The following UCP3 variants were observed in gnomAD, a reference collection of about 807,000 sequenced individuals.
The protein encoded by UCP3 is putative mitochondrial transporter UCP3.
In UCP3, 24 loss-of-function variants were observed where a neutral mutation model predicts 28.1. That is an observed-to-expected ratio of 0.85 (90% CI 0.62 to 1.20). UCP3 has a LOEUF of 1.20. Ranked by LOEUF, UCP3 falls within the 50% of genes most tolerant of loss-of-function variation. The pLI is 0.00. For missense variants in UCP3, 397 were observed against 422.2 expected, an observed-to-expected ratio of 0.94 and a Z score of 0.52; for synonymous variants, 184 against 171.2, an observed-to-expected ratio of 1.07 and a Z score of -0.59.
At chr11:74,008,606 T>C (rs1951683642) in intron 1 of UCP3, among the ~76,000 whole-genome samples, 1 of 152,014 alleles carries the variant, frequency 6.6e-6, no homozygotes. Context: ...AGGGTCCTCA[T>C]GGAAAGAGAG....
At chr11:74,008,755 G>T (rs758037572) in intron 1 of UCP3, among the ~76,000 whole-genome samples, 1 of 152,186 alleles carries the variant, frequency 6.6e-6, no homozygotes, top group East Asian at 1.9e-4. Context: ...TGAGTGACAC[G>T]GGTGTTGGGT....
In UCP3 at chr11:74,004,483, C is replaced by A. The variant is rs769183491; in HGVS notation, c.643+1G>T. The A allele has an allele frequency of 1.2e-6, 2 of 1,614,128 alleles. No individual in the cohort carries two copies. Among genetic ancestry groups the A allele is most frequent in the South Asian group, 2.2e-5 (2 of 91,072 alleles). ...TGCCTGCCTGGAGCCCAGGGCCTCA[C>A]CAGTGAGCAGGTGGTAGTCCAGCAG... On this transcript the variant is annotated splice_donor_variant, in intron 5 of 6. Coordinates refer to ENST00000314032, the MANE Select transcript of UCP3 (RefSeq NM_003356.4). LOFTEE classifies it high-confidence loss of function.
At chr11:74,008,209 T>C (rs1180887778) in intron 1 of UCP3, among the ~76,000 whole-genome samples, 2 of 152,194 alleles carry the variant, frequency 1.3e-5, no homozygotes, top group Admixed American at 6.5e-5. Context: ...GTCTGACATC[T>C]GAAGCTGCGC....
At chr11:74,007,233 G>A (rs1369362815) in intron 1 of UCP3, 96 bp from the exon 2 acceptor site, 2 of 699,644 alleles carry the variant, frequency 2.9e-6, no homozygotes, top group East Asian at 5.6e-5. Context: ...AAAGGGAGAA[G>A]CCTGGGTGGT....
rs767985044 is a variant in UCP3 at position 74,001,376 on chromosome 11, C to T, written c.*36G>A. ...GTTTTCTTCCATTCTTAACTGGTTT[C>T]GGACACGTTAGCTACCAGTGGCCTT... On this transcript the variant is annotated 3_prime_UTR_variant, in exon 7 of 7. Transcript: ENST00000314032. 15 of 1,603,814 alleles carry T rather than the reference C, an allele frequency of 9.4e-6. No homozygotes were observed. The highest frequency in any genetic ancestry group is 6.7e-5 in the Admixed American group (4 of 59,950).
At position 74,006,242 on chromosome 11, in the gene UCP3, C is replaced by T. The variant is rs750225036; in HGVS notation, c.264G>A (p.Gln88=). 5.6e-6 allele frequency: 9 copies of T among 1,613,978 alleles called. No homozygotes were observed. The highest frequency in any genetic ancestry group is 6.8e-6 in the Non-Finnish European group (8 of 1,180,042). ...YNGLVAGLQR[Q]MSFASIRIGL... ...CGATGCGGATGGAGGCGAAGCTCAT[C>T]TGGCGCTGCAGGCCGGCCACCAGCC... The change falls in exon 3 of 7, where the codon CAG becomes CAA. Residue 88 remains glutamine (Q), a synonymous_variant. Coordinates refer to ENST00000314032, the MANE Select transcript of UCP3 (RefSeq NM_003356.4).
rs368703422 is a variant in UCP3, at chr11:74,006,345, C to A, written c.161G>T (p.Arg54Leu). 2 of 1,589,748 alleles carry A rather than the reference C, an allele frequency of 1.3e-6. No homozygotes were observed. The highest frequency in any genetic ancestry group is 4.5e-5 in the East Asian group (2 of 44,520). ...CAGCACGCCACGGTACTGCACGAGC[C>A]GGGCCGTCTGGACCGCCTGGTTCTC... Reference protein sequence around the residue: ...QGENQAVQTARLVQYRGVLGT... With the variant: ...QGENQAVQTALLVQYRGVLGT... Residue 54 changes from arginine to leucine, a missense_variant, in exon 3 of 7, where the codon CGG becomes CTG. Arg to Leu is a moderately radical substitution (Grantham distance 102, BLOSUM62 -2). Coordinates refer to ENST00000314032, the MANE Select transcript of UCP3 (RefSeq NM_003356.4).
chr11:74,006,037 A>T lies in UCP3; in HGVS notation c.338-104T>A, dbSNP rs941372079. On this transcript the variant is annotated intron_variant, in intron 3 of 6. Coordinates refer to ENST00000314032, the MANE Select transcript of UCP3 (RefSeq NM_003356.4). ...CCTGCAGCTTCCTTGATGTCCACTC[A>T]GAGCCTCCTCATAAGCGTCCGGTAC... 6.4e-6 allele frequency: 10 copies of T among 1,559,486 alleles called. No homozygotes were observed. The African/African-American group carries it at 1.2e-4, about 19-fold the overall frequency.
chr11:74,005,902 G>A lies in UCP3; in HGVS notation c.369C>T (p.Gly123=), dbSNP rs1371444701. 2 of 1,614,168 alleles carry A rather than the reference G, an allele frequency of 1.2e-6. No homozygotes were observed. The part of the protein sequence containing the change: ...NSSLTTRILA[G]CTTGAMAVTC... ...TCACCGCCATGGCTCCTGTGGTGCA[G>A]CCGGCCAAAATCCGGGTAGTGAGGC... Residue 123 remains glycine (G), a synonymous_variant, in exon 4 of 7, where the codon GGC becomes GGT. Transcript: ENST00000314032.
rs982197427 is a variant in UCP3, at chr11:74,003,766, T to C, written c.824+61A>G. The stretch of plus-strand genomic sequence containing the variant: ...CCCAGGTTGACCCACGGTAGCCACA[T>C]TCGAAAAGAAAGAAGCCCCTGTTCT... On this transcript the variant is annotated intron_variant, in intron 6 of 6. Coordinates refer to ENST00000314032, the MANE Select transcript of UCP3 (RefSeq NM_003356.4). The C allele has an allele frequency of 2.0e-5, 30 of 1,520,620 alleles. No homozygotes were observed. In the South Asian group the frequency reaches 3.6e-4, roughly 18 times the overall value. 94.2% of individuals were successfully genotyped at this position (1,520,620 alleles called of 1,614,324 possible).
intron 5 of UCP3, 87 bp downstream of exon 5, chr11:74,004,397 G>T: frequency 8.0e-7 from 1 of 1,247,776 alleles, no homozygotes; most frequent in Non-Finnish European, 1.1e-6. Context: ...CTAAAACCCA[G>T]TTGCCTCTGG....
At position 74,007,131 on chromosome 11, in the gene UCP3, G is replaced by C; in HGVS notation, c.-89C>G. The C allele has an allele frequency of 6.5e-7, 1 of 1,526,860 alleles. No individual in the cohort carries two copies. Among genetic ancestry groups the C allele is most frequent in the Non-Finnish European group, 8.9e-7 (1 of 1,121,858 alleles). The allele number at this position is 1,526,860 out of a possible 1,614,324, so 94.6% of individuals were successfully genotyped here. A position where few individuals can be genotyped will look rare whatever the true frequency, so the allele number is the denominator to read the frequency against. ...CCACAGCCCTGGGCTTCAGTGCAGCGGTGGGGCTGCAGGAGACAGGCCAGA... is the reference window on the plus strand; with the variant it reads ...CCACAGCCCTGGGCTTCAGTGCAGCCGTGGGGCTGCAGGAGACAGGCCAGA... On this transcript the variant is annotated 5_prime_UTR_variant, in exon 2 of 7. Transcript: ENST00000314032.
At position 74,000,853 on chromosome 11, in the gene UCP3, C is replaced by T. The variant is rs1251072493; in HGVS notation, c.*559G>A. 6.5e-6 allele frequency: 1 copy of T among 153,162 alleles called. No individual in the cohort carries two copies. The highest frequency in any genetic ancestry group is 1.5e-5 in the Non-Finnish European group (1 of 68,750). The allele number at this position is 153,162 out of a possible 1,614,324, so 9.5% of individuals were successfully genotyped here. A position where few individuals can be genotyped will look rare whatever the true frequency, so the allele number is the denominator to read the frequency against. On this transcript the variant is annotated 3_prime_UTR_variant, in exon 7 of 7. Coordinates refer to ENST00000314032, the MANE Select transcript of UCP3 (RefSeq NM_003356.4). ...TCTTTAGCACAGGCTCTAGTTTTTT[C>T]TCTTGTTCCTTGGGTTTCCTAGAAT...
chr11:74,003,906 G>A lies in UCP3; in HGVS notation c.745C>T (p.Pro249Ser). ...AGGGGGCTGAAGTACTGGCCTGGAG[G>A]TGAGTTCATATACCGGGTCTTCACC... is the stretch of plus-strand genomic sequence containing the variant. ...DVVKTRYMNS[P>S]PGQYFSPLDC... Residue 249 changes from proline to serine, a missense_variant, in exon 6 of 7, where the codon CCT becomes TCT. Transcript: ENST00000314032. The A allele has an allele frequency of 6.2e-7, 1 of 1,614,168 alleles. No homozygotes were observed. The highest frequency in any genetic ancestry group is 8.5e-7 in the Non-Finnish European group (1 of 1,180,034).
intron 2 of UCP3, 56 bp downstream of exon 2, chr11:74,006,861 A>C: frequency 6.2e-7 from 1 of 1,613,514 alleles, no homozygotes; most frequent in Non-Finnish European, 8.5e-7. Flanking sequence ...GGGATATGGG[A>C]GAGAACTAGC....
At chr11:74,006,062 C>A in intron 3 of UCP3, 107 bp downstream of exon 3, 1 of 1,562,386 alleles carries the variant, frequency 6.4e-7, no homozygotes, top group Admixed American at 1.9e-5. Context: ...GCGTCCGGTA[C>A]CAGCTTCCCC....
chr11:74,006,461 G>A, intron 2 of UCP3, 82 bp from the exon 3 acceptor site: 2 of 1,371,792 alleles, frequency 1.5e-6, no homozygotes, highest in Non-Finnish European at 1.9e-6. Flanking sequence ...CTGGGGCTGG[G>A]CCTGCCTGGG....
Position 74,004,586 on chromosome 11 carries a change from C to G in UCP3, c.542-1G>C. ...TTCCTCATGATGTTGGGCAAAGTTC[C>G]TGTTAGGAAGGCGGTGGGGAGGGAT... On this transcript the variant is annotated splice_acceptor_variant, in intron 4 of 6. Transcript: ENST00000314032. LOFTEE classifies it high-confidence loss of function. 1 of 1,613,310 alleles carries G rather than the reference C, an allele frequency of 6.2e-7. No individual in the cohort carries two copies. Among genetic ancestry groups the G allele is most frequent in the South Asian group, 1.1e-5 (1 of 91,026 alleles).
In UCP3 at chr11:74,003,858, C is replaced by A; in HGVS notation, c.793G>T (p.Ala265Ser). 3 of 1,612,254 alleles carry A rather than the reference C, an allele frequency of 1.9e-6. No homozygotes were observed. The highest frequency in any genetic ancestry group is 2.5e-6 in the Non-Finnish European group (3 of 1,178,846). ...SPLDCMIKMV[A>S]QEGPTAFYKG... ...TAGAAGGCTGTGGGGCCCTCCTGGG[C>A]CACCATCTTTATCATACAGTCGAGG... The change falls in exon 6 of 7, where the codon GCC becomes TCC. Residue 265 changes from alanine (A) to serine (S), a missense_variant. Ala to Ser is a moderately conservative substitution (Grantham distance 99). Transcript: ENST00000314032.
Sources: gnomAD v4.1 joint callset for allele counts (sites outside exome capture counted in the v4.1 genomes callset) on GRCh38, gnomAD v4.1.1 for gene constraint, MANE v1.5 for transcripts, NCBI Gene and HGNC (gene_info 2026-07-23, HGNC 2026-07-21) for gene names.